Variants in TNPO3 observed in about 807,000 individuals in gnomAD.
The protein encoded by TNPO3 is transportin 3.
In TNPO3, 65 loss-of-function variants were observed where a neutral mutation model predicts 122.8. That is an observed-to-expected ratio of 0.53 (90% CI 0.43 to 0.65). TNPO3 has a LOEUF of 0.65. TNPO3 is among the 30% of genes least tolerant of loss of function. TNPO3 has a pLI of 0.00. For missense variants in TNPO3, 850 were observed against 1,136.7 expected (o/e 0.75, Z 3.63); for synonymous variants, 372 against 411.2 (o/e 0.90, Z 1.15).
At chr7:129,029,203 GC>G (rs1400351637) in intron 1 of TNPO3, 2 of 165,994 alleles carry the variant, frequency 1.2e-5, no homozygotes, top group African/African-American at 2.4e-5. Flanking sequence ...TTCTGGGGAT[GC>G]CCCCAGAGAG....
intron 1 of TNPO3, among the ~76,000 whole-genome samples, chr7:129,048,272 T>C (rs1808291393): frequency 6.6e-6 from 1 of 152,180 alleles, no homozygotes; most frequent in Non-Finnish European, 1.5e-5. Context: ...CTCACACCTC[T>C]AATCCCAGCA....
In TNPO3 at chr7:128,955,263, TCTCC is replaced by T. The variant is rs1796789502; in HGVS notation, c.*150_*153del. 1 of 453,808 alleles carries T rather than the reference TCTCC, an allele frequency of 2.2e-6. No individual in the cohort carries two copies. Among genetic ancestry groups the T allele is most frequent in the Admixed American group, 2.4e-5 (1 of 42,420 alleles). The allele number at this position is 453,808 out of a possible 1,614,324, so 28.1% of individuals were successfully genotyped here. ...AGGATGGCCTCAGAAGGCTGGAGTC[TCTCC>T]CTGTCTGGCGGGACACCCTGGTGGC... is the stretch of plus-strand genomic sequence containing the variant. On this transcript the variant is annotated 3_prime_UTR_variant, in exon 23 of 23. Coordinates refer to ENST00000265388, the MANE Select transcript of TNPO3 (RefSeq NM_012470.4).
intron 1 of TNPO3, among the ~76,000 whole-genome samples, chr7:129,032,900 A>T (rs979144525): frequency 1.3e-5 from 2 of 152,204 alleles, no homozygotes; most frequent in East Asian, 1.9e-4. Context: ...AAACAATCTT[A>T]AAAAAGAATA....
intron 8 of TNPO3, among the ~76,000 whole-genome samples, chr7:128,994,831 T>C (rs988203591): frequency 3.3e-5 from 5 of 152,054 alleles, no homozygotes; most frequent in African/African-American, 1.2e-4. Context: ...CTAATTTTTA[T>C]ATTTTTTGTA....
intron 1 of TNPO3, among the ~76,000 whole-genome samples, chr7:129,024,050 T>G (rs1006497293): frequency 1.3e-5 from 2 of 152,222 alleles, no homozygotes; most frequent in African/African-American, 4.8e-5. Context: ...TACATGCCTT[T>G]GAATCTGCAC....
intron 9 of TNPO3, among the ~76,000 whole-genome samples, chr7:128,992,793 A>G (rs184600539): frequency 9.5e-5 from 2 of 21,118 alleles, no homozygotes; most frequent in Admixed American, 6.4e-4. Context: ...ATTTTAATTA[A>G]TAACTTTTTT....
chr7:128,992,797 CTT>C (rs539613402), intron 9 of TNPO3, among the ~76,000 whole-genome samples: 1 of 121,820 alleles, frequency 8.2e-6, no homozygotes, highest in African/African-American at 2.9e-5. Context: ...TAATTAATAA[CTT>C]TTTTTTGGCA....
At chr7:129,051,145 T>TTA (rs1316181857) in intron 1 of TNPO3, among the ~76,000 whole-genome samples, 4 of 147,454 alleles carry the variant, frequency 2.7e-5, no homozygotes, top group Admixed American at 2.7e-4. Context: ...AACAAAATGT[T>TTA]AAAAAAAAAA....
At chr7:128,957,196 A>G in intron 22 of TNPO3, 28 bp downstream of exon 22, 2 of 1,599,082 alleles carry the variant, frequency 1.3e-6, no homozygotes, top group Non-Finnish European at 8.6e-7. Context: ...GACAGTCCGG[A>G]CAAAAGCTGG....
chr7:129,048,772 AG>A (rs1181029153), intron 1 of TNPO3, among the ~76,000 whole-genome samples: 1 of 152,258 alleles, frequency 6.6e-6, no homozygotes. Flanking sequence ...TCGCAGATAA[AG>A]AAAAATGTGA....
chr7:128,979,198 C>T (rs1799386355), intron 15 of TNPO3, 75 bp from the exon 16 acceptor site: 5 of 1,563,112 alleles, frequency 3.2e-6, no homozygotes, highest in Non-Finnish European at 4.4e-6. Flanking sequence ...AAGTTGGTAA[C>T]ACCTCATTTA....
Position 128,986,891 on chromosome 7 carries a change from G to A in TNPO3, c.1528C>T (p.Leu510=), listed in dbSNP as rs1800214808. The A allele has an allele frequency of 6.2e-7, 1 of 1,613,164 alleles. No individual in the cohort carries two copies. Among genetic ancestry groups the A allele is most frequent in the African/African-American group, 1.3e-5 (1 of 74,864 alleles). ...GCAGAAGCCAGGGGCTTTTCACACA[G>A]GCCTTTCATCAAATAGCCCAACACA... ...DPVLGYLMKG[L]CEKPLASAAA... Residue 510 remains leucine, a synonymous_variant, in exon 12 of 23, where the codon CTG becomes TTG. Transcript: ENST00000265388.
chr7:129,009,578 A>ATG (rs1310953862), intron 4 of TNPO3, among the ~76,000 whole-genome samples: 1 of 152,202 alleles, frequency 6.6e-6, no homozygotes, highest in African/African-American at 2.4e-5. Context: ...GATTGTCATG[A>ATG]TGTGCTAAGT....
At chr7:129,039,785 T>C (rs1807144311) in intron 1 of TNPO3, among the ~76,000 whole-genome samples, 1 of 152,124 alleles carries the variant, frequency 6.6e-6, no homozygotes, top group Non-Finnish European at 1.5e-5. Context: ...GGATGAACCT[T>C]GAAAACATCA....
At chr7:129,040,332 C>T (rs1467791511) in intron 1 of TNPO3, among the ~76,000 whole-genome samples, 1 of 151,040 alleles carries the variant, frequency 6.6e-6, no homozygotes, top group African/African-American at 2.4e-5. Context: ...AAACGGTATA[C>T]TTTAAATGAG....
At chr7:128,981,497 G>A (rs1382901277) in intron 14 of TNPO3, among the ~76,000 whole-genome samples, 1 of 152,068 alleles carries the variant, frequency 6.6e-6, no homozygotes, top group Non-Finnish European at 1.5e-5. Context: ...TGAAAGTATG[G>A]TCTCTGGATT....
intron 12 of TNPO3, 21 bp downstream of exon 12, chr7:128,986,708 T>G: frequency 6.3e-7 from 1 of 1,596,230 alleles, no homozygotes; most frequent in Non-Finnish European, 8.5e-7. Context: ...TGACTATTAG[T>G]GGTTAACATC....
chr7:128,967,507 A>G, intron 20 of TNPO3, 115 bp from the exon 21 acceptor site: 3 of 643,838 alleles, frequency 4.7e-6, no homozygotes, highest in Non-Finnish European at 8.3e-6. Context: ...ACTTCCCTAC[A>G]CTTGGGAGCA....
At chr7:129,004,659 T>A (rs1802373472) in intron 5 of TNPO3, among the ~76,000 whole-genome samples, 1 of 152,234 alleles carries the variant, frequency 6.6e-6, no homozygotes, top group Non-Finnish European at 1.5e-5. Context: ...CCTAAACTTG[T>A]GATGCACACA....
Sources: gnomAD v4.1 joint callset for allele counts (sites outside exome capture counted in the v4.1 genomes callset) on GRCh38, gnomAD v4.1.1 for gene constraint, MANE v1.5 for transcripts, NCBI Gene and HGNC (gene_info 2026-07-23, HGNC 2026-07-21) for gene names.